The following PKD1L1 variants were observed in gnomAD, a reference collection of about 807,000 sequenced individuals.
The protein encoded by PKD1L1 is polycystin 1 like 1, transient receptor potential channel interacting, also known as polycystin-1-like protein 1.
In PKD1L1, 236 loss-of-function variants were observed where a neutral mutation model predicts 323.4. The observed-to-expected ratio is 0.73, with a 90% CI of 0.66 to 0.81. The LOEUF is 0.81. Among genes scored for constraint, PKD1L1 ranks in the 40% least tolerant of loss-of-function variants. The probability of loss-of-function intolerance (pLI) is 0.00; values close to 1 mark genes in which losing one functional copy is unlikely to be tolerated. For missense variants in PKD1L1, 3,320 were observed against 3,508.0 expected (o/e 0.95, Z 1.35); for synonymous variants, 1,344 against 1,335.0 (o/e 1.01, Z -0.15).
upstream of PKD1L1, among the ~76,000 whole-genome samples, chr7:47,950,251 C>G (rs367706353): frequency 2.0e-5 from 3 of 152,232 alleles, no homozygotes; most frequent in East Asian, 3.9e-4. Context: ...CACACGCACA[C>G]CTGGATGCTC....
intron 28 of PKD1L1, among the ~76,000 whole-genome samples, chr7:47,856,146 T>A (rs1785899994): frequency 6.6e-6 from 1 of 152,004 alleles, no homozygotes; most frequent in African/African-American, 2.4e-5. Context: ...CAAGCGATTC[T>A]CCTGCCTCAG....
intron 3 of PKD1L1, among the ~76,000 whole-genome samples, chr7:47,939,956 G>A: frequency 6.6e-6 from 1 of 152,172 alleles, no homozygotes; most frequent in Non-Finnish European, 1.5e-5. Flanking sequence ...CCCATCTGAG[G>A]GCTATCCCCT....
At chr7:47,859,235 C>T (rs1475497165) in intron 26 of PKD1L1, among the ~76,000 whole-genome samples, 9 of 152,124 alleles carry the variant, frequency 5.9e-5, no homozygotes, top group South Asian at 2.1e-4. Context: ...TAAACCCCAA[C>T]GACCACTTTG....
At chr7:47,829,344 A>C (rs1785295999) in intron 44 of PKD1L1, 81 bp downstream of exon 44, 3 of 1,341,156 alleles carry the variant, frequency 2.2e-6, no homozygotes, top group Middle Eastern at 2.1e-4. Context: ...CTGAATTCAA[A>C]GCCTACATTC....
intron 8 of PKD1L1, among the ~76,000 whole-genome samples, chr7:47,909,053 A>T (rs1388374816): frequency 6.6e-6 from 1 of 152,226 alleles, no homozygotes; most frequent in African/African-American, 2.4e-5. Flanking sequence ...AACTCCCAGC[A>T]GAACTGGGAG....
At chr7:47,920,677 C>T (rs571282817) in intron 7 of PKD1L1, among the ~76,000 whole-genome samples, 8 of 152,288 alleles carry the variant, frequency 5.3e-5, no homozygotes, top group African/African-American at 1.9e-4. Flanking sequence ...CAGCATGGGA[C>T]TGGTATAAAA....
At chr7:47,845,344 T>C (rs1785643783) in intron 32 of PKD1L1, among the ~76,000 whole-genome samples, 1 of 152,204 alleles carries the variant, frequency 6.6e-6, no homozygotes, top group South Asian at 2.1e-4. Context: ...CCACAGCATA[T>C]GGCGGTCTTC....
At chr7:47,838,770 C>T (rs907833522) in intron 36 of PKD1L1, among the ~76,000 whole-genome samples, 1 of 145,232 alleles carries the variant, frequency 6.9e-6, no homozygotes, top group African/African-American at 2.6e-5. Flanking sequence ...CCCAGCTACT[C>T]GGGAGGCTGA....
intron 23 of PKD1L1, among the ~76,000 whole-genome samples, chr7:47,874,889 T>C (rs1786370860): frequency 6.6e-6 from 1 of 152,226 alleles, no homozygotes; most frequent in Non-Finnish European, 1.5e-5. Flanking sequence ...CAGGTATTCA[T>C]AGGAATTGGC....
intron 46 of PKD1L1, among the ~76,000 whole-genome samples, chr7:47,817,234 C>A (rs1371839609): frequency 6.6e-6 from 1 of 151,910 alleles, no homozygotes; most frequent in Non-Finnish European, 1.5e-5. Context: ...TCATCTAAAA[C>A]AAACAAACAA....
intron 24 of PKD1L1, among the ~76,000 whole-genome samples, chr7:47,871,766 G>A (rs1409387571): frequency 6.6e-6 from 1 of 152,152 alleles, no homozygotes; most frequent in African/African-American, 2.4e-5. Context: ...GAATAGAAGA[G>A]AACATCCTCA....
At chr7:47,959,474 G>A in the PKD1L1 span, among the ~76,000 whole-genome samples, 9 of 136,000 alleles carry the variant, frequency 6.6e-5, no homozygotes, top group South Asian at 2.4e-4. Context: ...CTGCCCCGCC[G>A]CCCCGTCTGG....
At chr7:47,893,372 TCA>T (rs1163070396) in intron 15 of PKD1L1, among the ~76,000 whole-genome samples, 10 of 151,766 alleles carry the variant, frequency 6.6e-5, no homozygotes, top group African/African-American at 2.2e-4. Context: ...ACGCCGGGAC[TCA>T]CAGCCCAGAG....
chr7:47,864,592 C>CTTTCT (rs1786110196), intron 26 of PKD1L1, among the ~76,000 whole-genome samples: 1 of 95,820 alleles, frequency 1.0e-5, no homozygotes, highest in South Asian at 3.9e-4. Flanking sequence ...TTCTTTCTTT[C>CTTTCT]TTTCTTTCTT....
At chr7:47,884,750 G>C (rs1363261063) in intron 18 of PKD1L1, 93 bp from the exon 19 acceptor site, 3 of 1,019,248 alleles carry the variant, frequency 2.9e-6, no homozygotes, top group South Asian at 1.3e-5. Context: ...CATTGTCCTT[G>C]GTGTATTTCT....
intron 4 of PKD1L1, among the ~76,000 whole-genome samples, chr7:47,935,753 G>A (rs2128756938): frequency 6.6e-6 from 1 of 152,372 alleles, no homozygotes; most frequent in East Asian, 1.9e-4. Context: ...CAGGTTTGAG[G>A]ATTTTACAAA....
Position 47,811,815 on chromosome 7 carries a change from A to G in PKD1L1, c.7581+2T>C. 1.3e-6 allele frequency: 2 copies of G among 1,595,344 alleles called. No individual in the cohort carries two copies. Among genetic ancestry groups the G allele is most frequent in the Non-Finnish European group, 1.7e-6 (2 of 1,171,506 alleles). Reference sequence around the variant, plus strand: ...GGAGGCCCAAGAGGCAGGTCAGCTCACCTGGGGAAGCATGAGGTGGTACTG... The same window carrying G: ...GGAGGCCCAAGAGGCAGGTCAGCTCGCCTGGGGAAGCATGAGGTGGTACTG... On this transcript the variant is annotated splice_donor_variant, in intron 50 of 56. Transcript: ENST00000289672. LOFTEE classifies it high-confidence loss of function.
At chr7:47,811,635 T>C (rs1228913879) in intron 50 of PKD1L1, among the ~76,000 whole-genome samples, 182 bp downstream of exon 50, 2 of 152,214 alleles carry the variant, frequency 1.3e-5, no homozygotes, top group Non-Finnish European at 2.9e-5. Context: ...GGGGGTCTTC[T>C]TCGTCTCATG....
Position 47,882,065 on chromosome 7 carries a change from C to A in PKD1L1, c.3286G>T (p.Gly1096Ter), listed in dbSNP as rs1786567801. The A allele has an allele frequency of 6.2e-7, 1 of 1,613,330 alleles. No individual in the cohort carries two copies. The highest frequency in any genetic ancestry group is 8.5e-7 in the Non-Finnish European group (1 of 1,179,844). ...RQPAKDTSFPGSGPSLSAEES... is the reference protein window; with the variant it reads ...RQPAKDTSFP The stretch of plus-strand genomic sequence containing the variant: ...TCGGCACTCAAGCTAGGTCCTGATC[C>A]TGGAAAGCTGGTGTCCTTAGCTAGG... The change falls in exon 20 of 57, where the codon GGA becomes TGA. Residue 1096 changes from glycine to a stop codon, truncating the protein, a stop_gained. Transcript: ENST00000289672. LOFTEE classifies it high-confidence loss of function.
Sources: allele counts gnomAD v4.1 joint callset (sites outside exome capture counted in the v4.1 genomes callset), GRCh38; gene constraint gnomAD v4.1.1; transcripts MANE v1.5; gene names NCBI Gene and HGNC (gene_info 2026-07-23, HGNC 2026-07-21).